The following VGLL4 variants were observed in gnomAD, a reference collection of about 807,000 sequenced individuals.
VGLL4 encodes vestigial like family member 4.
VGLL4 carries 7 observed loss-of-function variants against 21.0 expected under a neutral mutation model. The observed-to-expected ratio is 0.33, with a 90% CI of 0.19 to 0.63. The LOEUF (loss-of-function observed/expected upper bound fraction) is 0.63. Ranked by LOEUF, VGLL4 falls within the 20% of genes least tolerant of loss-of-function variation. The probability of loss-of-function intolerance (pLI) is 0.78; values close to 1 mark genes in which losing one functional copy is unlikely to be tolerated. For synonymous variants in VGLL4, 222 were observed against 173.2 expected (o/e 1.28, Z -2.21); for missense variants, 394 against 425.7 (o/e 0.93, Z 0.66).
intron 2 of VGLL4, among the ~76,000 whole-genome samples, chr3:11,579,093 C>G (rs1239389257): frequency 6.6e-6 from 1 of 152,032 alleles, no homozygotes; most frequent in African/African-American, 2.4e-5. Context: ...AAGGACCTTC[C>G]TCCTGAGAGC....
chr3:11,569,449 A>T lies in VGLL4; in HGVS notation c.273-4430T>A, dbSNP rs368099402. On this transcript the variant is annotated intron_variant, in intron 2 of 4. Coordinates refer to ENST00000430365, the MANE Select transcript of VGLL4 (RefSeq NM_001128219.3). ...GGGCCCTGGCCTCCCAAAAACCAAC[A>T]TCCTGAGGCGGCAAAGCAGCCCGTC... 1.5e-4 allele frequency among the ~76,000 whole-genome samples: 23 copies of T among 152,224 alleles called. No individual in the cohort carries two copies. The South Asian group carries it at 4.6e-3, about 30-fold the overall frequency.
intron 2 of VGLL4, among the ~76,000 whole-genome samples, chr3:11,689,594 T>G (rs1559946136): frequency 6.6e-6 from 1 of 152,212 alleles, no homozygotes; most frequent in Non-Finnish European, 1.5e-5. Context: ...CGCCCCAAAG[T>G]CTGCTTACTC....
At chr3:11,564,627 C>A in intron 3 of VGLL4, 170 bp downstream of exon 3, 1 of 782,940 alleles carries the variant, frequency 1.3e-6, no homozygotes. Flanking sequence ...TCTGCTGTCC[C>A]TTGTCCCAAG....
chr3:11,702,328 G>A (rs1365499273), intron 2 of VGLL4, among the ~76,000 whole-genome samples: 6 of 151,978 alleles, frequency 3.9e-5, no homozygotes, highest in African/African-American at 1.5e-4. Flanking sequence ...TACTGATTAA[G>A]GCCAGACGTG....
At chr3:11,671,353 G>T in intron 2 of VGLL4, 2 of 1,194,634 alleles carry the variant, frequency 1.7e-6, no homozygotes, top group South Asian at 1.2e-5. Flanking sequence ...GTTCCGCAGC[G>T]AGGACTACGA....
intron 1 of VGLL4, among the ~76,000 whole-genome samples, chr3:11,609,682 G>A (rs1202121261): frequency 2.0e-5 from 3 of 152,218 alleles, no homozygotes; most frequent in African/African-American, 2.4e-5. Context: ...ATGGGAACCC[G>A]GGTCTCGGCC....
chr3:11,569,526 T>TC (rs960733194), intron 2 of VGLL4, among the ~76,000 whole-genome samples: 2 of 151,986 alleles, frequency 1.3e-5, no homozygotes, highest in African/African-American at 4.8e-5. Flanking sequence ...TGCAGAGACA[T>TC]CCCCCAAGCA....
intron 2 of VGLL4, among the ~76,000 whole-genome samples, chr3:11,679,307 T>C (rs2076338075): frequency 6.6e-6 from 1 of 152,138 alleles, no homozygotes; most frequent in African/African-American, 2.4e-5. Context: ...CTGACCCTTG[T>C]CTAGGATAAT....
At chr3:11,661,906 G>C (rs970593471) in intron 2 of VGLL4, among the ~76,000 whole-genome samples, 2 of 152,210 alleles carry the variant, frequency 1.3e-5, no homozygotes, top group Non-Finnish European at 2.9e-5. Context: ...TTCAAGAAGA[G>C]TGAGGCAATC....
chr3:11,659,057 C>G (rs886305488), intron 2 of VGLL4, among the ~76,000 whole-genome samples: 1 of 152,060 alleles, frequency 6.6e-6, no homozygotes, highest in Admixed American at 6.6e-5. Flanking sequence ...ATTTCCATGC[C>G]TCTAAGAATT....
intron 2 of VGLL4, among the ~76,000 whole-genome samples, chr3:11,701,632 T>C (rs1273896493): frequency 1.3e-5 from 2 of 152,160 alleles, no homozygotes; most frequent in Admixed American, 6.5e-5. Flanking sequence ...TAGGTAGGTA[T>C]TGTTGCTCCA....
intron 2 of VGLL4, among the ~76,000 whole-genome samples, chr3:11,572,859 T>C (rs1480482657): frequency 3.9e-5 from 6 of 152,000 alleles, no homozygotes; most frequent in Non-Finnish European, 7.4e-5. Context: ...CACTCTTTGG[T>C]TTTTCCTTCT....
At chr3:11,688,552 A>G (rs1033913070) in intron 2 of VGLL4, among the ~76,000 whole-genome samples, 5 of 152,208 alleles carry the variant, frequency 3.3e-5, no homozygotes, top group African/African-American at 1.2e-4. Context: ...ATCTATATAC[A>G]TAGTAATATC....
rs59999510 is a variant in VGLL4 at position 11,665,101 on chromosome 3, CTTTTTTT to C, written c.64+37863_64+37869del. On this transcript the variant is annotated intron_variant, in intron 2 of 5. Transcript: ENST00000273038. The stretch of plus-strand genomic sequence containing the variant: ...AAATGAAAGCAATTTGAATATTTTT[CTTTTTTT>C]TTTTTTTTTTTTTTTTTTTTTTTGA... Among the ~76,000 whole-genome samples the C allele has an allele frequency of 7.3e-3, 704 of 96,904 alleles. 17 individuals carry two copies. The highest frequency in any genetic ancestry group is 0.032 in the African/African-American group (657 of 20,466). The allele number at this position is 96,904 out of a possible 152,430, so 63.6% of individuals were successfully genotyped here.
In VGLL4 at chr3:11,643,560, CA is replaced by C. The variant is rs746512205; in HGVS notation, c.-43del. The C allele has an allele frequency of 6.2e-7, 1 of 1,612,768 alleles. No homozygotes were observed. The highest frequency in any genetic ancestry group is 8.5e-7 in the Non-Finnish European group (1 of 1,179,616). Reference sequence around the variant, plus strand: ...GAAAACCAGCTCTTTGCTTTTGCCCCAAAAGAGTTAAGTTTCAAAAATCAAT... The same window carrying C: ...GAAAACCAGCTCTTTGCTTTTGCCCCAAAGAGTTAAGTTTCAAAAATCAAT... On this transcript the variant is annotated 5_prime_UTR_variant, in exon 1 of 5. Transcript: ENST00000430365.
chr3:11,573,375 GAA>G (rs1274375869), intron 2 of VGLL4, among the ~76,000 whole-genome samples: 69 of 143,972 alleles, frequency 4.8e-4, no homozygotes, highest in African/African-American at 1.7e-3. Context: ...AAGAAAGAAA[GAA>G]AGAAAGAAAG....
intron 2 of VGLL4, among the ~76,000 whole-genome samples, chr3:11,577,163 G>A (rs750807857): frequency 7.9e-5 from 12 of 152,174 alleles, no homozygotes; most frequent in Non-Finnish European, 1.6e-4. Flanking sequence ...CCCTAGAAAC[G>A]AGTGGTCTGA....
intron 2 of VGLL4, among the ~76,000 whole-genome samples, chr3:11,660,022 C>T (rs1005941519): frequency 2.0e-5 from 3 of 152,072 alleles, no homozygotes; most frequent in East Asian, 3.9e-4. Context: ...ATTAGCCGGG[C>T]GTGGTGGTGG....
At chr3:11,663,633 G>T (rs2076067841) in intron 2 of VGLL4, among the ~76,000 whole-genome samples, 1 of 152,094 alleles carries the variant, frequency 6.6e-6, no homozygotes, top group Admixed American at 6.5e-5. Flanking sequence ...CGGGAGAATA[G>T]CTTGAACCTG....
Sources: allele counts gnomAD v4.1 joint callset (sites outside exome capture counted in the v4.1 genomes callset), GRCh38; gene constraint gnomAD v4.1.1; transcripts MANE v1.5; gene names NCBI Gene and HGNC (gene_info 2026-07-23, HGNC 2026-07-21).